Variants in SELENOI observed in about 807,000 individuals in gnomAD.
The protein encoded by SELENOI is selenoprotein I, also known as ethanolaminephosphotransferase 1.
SELENOI carries 24 observed loss-of-function variants against 50.7 expected under a neutral mutation model. The ratio of observed to expected loss-of-function variants is 0.47; its 90% CI spans 0.34 to 0.67. SELENOI has a LOEUF of 0.67. Among genes scored for constraint, SELENOI ranks in the 30% least tolerant of loss-of-function variants. The pLI, the probability that SELENOI is intolerant of heterozygous loss-of-function variation, is 0.01. For missense variants in SELENOI, 352 were observed against 461.4 expected, an observed-to-expected ratio of 0.76 and a Z score of 2.17; for synonymous variants, 155 against 170.2, an observed-to-expected ratio of 0.91 and a Z score of 0.70.
intron 1 of SELENOI, among the ~76,000 whole-genome samples, chr2:26,358,970 C>A (rs13020831): frequency 5.9e-5 from 9 of 151,938 alleles, no homozygotes; most frequent in African/African-American, 2.2e-4. Flanking sequence ...TTGCCCTAGA[C>A]CACATGTTTG....
chr2:26,389,331 C>T lies in SELENOI; in HGVS notation c.*228C>T, dbSNP rs925776493. 2.6e-5 allele frequency: 11 copies of T among 420,276 alleles called. No individual in the cohort carries two copies. The highest frequency in any genetic ancestry group is 2.6e-4 in the South Asian group (6 of 23,418). 26.0% of individuals were successfully genotyped at this position (420,276 alleles called of 1,614,324 possible). The stretch of plus-strand genomic sequence containing the variant: ...TGACATTTTGGTTGAGCAGAATGTA[C>T]GTTAGACCAGCAAAATGTTCCTAAT... On this transcript the variant is annotated 3_prime_UTR_variant, in exon 10 of 10. Coordinates refer to ENST00000260585, the MANE Select transcript of SELENOI (RefSeq NM_033505.4).
At chr2:26,380,418 G>A (rs1165502318) in intron 6 of SELENOI, among the ~76,000 whole-genome samples, 1 of 151,704 alleles carries the variant, frequency 6.6e-6, no homozygotes, top group Admixed American at 6.6e-5. Context: ...CCTCTTAATT[G>A]TATATCCCAG....
In SELENOI at chr2:26,346,267, T is replaced by G. The variant is rs1171575556; in HGVS notation, c.35T>G (p.Leu12Arg). Reference sequence around the variant, plus strand: ...TACGAATACGTGAGCCCGGAGCAGCTGGCTGGCTTTGATAAGTACAAGGTA... The same window carrying G: ...TACGAATACGTGAGCCCGGAGCAGCGGGCTGGCTTTGATAAGTACAAGGTA... ...AGYEYVSPEQ[L>R]AGFDKYKYSA... The change falls in exon 1 of 10, where the codon CTG (leucine) becomes CGG (arginine). Residue 12 changes from leucine (L) to arginine (R), a missense_variant. By Grantham distance (102) the Leu-to-Arg change is moderately radical (BLOSUM62 -2). Transcript: ENST00000260585. 1.4e-5 allele frequency: 23 copies of G among 1,613,460 alleles called. No homozygotes were observed. The highest frequency in any genetic ancestry group is 1.9e-5 in the Non-Finnish European group (22 of 1,179,596).
Position 26,375,139 on chromosome 2 carries a change from A to T in SELENOI, c.673A>T (p.Met225Leu). 1 of 1,597,626 alleles carries T rather than the reference A, an allele frequency of 6.3e-7. No individual in the cohort carries two copies. Among genetic ancestry groups the T allele is most frequent in the Non-Finnish European group, 8.6e-7 (1 of 1,166,916 alleles). ...CTTATATAGAGACCTATTCACTGCAATGATTATTGGTAAGAAGCTCCATGT... is the reference window on the plus strand; with the variant it reads ...CTTATATAGAGACCTATTCACTGCATTGATTATTGGTAAGAAGCTCCATGT... ...NFLYRDLFTA[M>L]IIGCALCVTL... The change falls in exon 6 of 10, where the codon ATG becomes TTG. Residue 225 changes from methionine to leucine, a missense_variant. Physicochemically the swap from Met to Leu is conservative, Grantham distance 15 (BLOSUM62 2). Transcript: ENST00000260585.
In SELENOI at chr2:26,384,971, T is replaced by G. The variant is rs745724056; in HGVS notation, c.744T>G (p.Asn248Lys). Residue 248 changes from asparagine to lysine, a missense_variant, in exon 8 of 10, where the codon AAT becomes AAG. Transcript: ENST00000260585. ...TTTTTTTTTCCAGAAGCTATAAAAA[T>G]AACACCTTGAAACTCAATTCAGTCT... ...SLLNFFRSYK[N>K]NTLKLNSVYE... 8 of 1,601,454 alleles carry G rather than the reference T, an allele frequency of 5.0e-6. No homozygotes were observed. The South Asian group carries it at 7.9e-5, about 16-fold the overall frequency.
chr2:26,371,511 G>T (rs375104613), intron 4 of SELENOI, among the ~76,000 whole-genome samples: 1 of 152,246 alleles, frequency 6.6e-6, no homozygotes, highest in East Asian at 1.9e-4. Context: ...AAGGCAGGCG[G>T]CTGGGAGGTG....
chr2:26,383,346 A>G lies in SELENOI; in HGVS notation c.730A>G (p.Arg244Gly). Residue 244 changes from arginine to glycine, a missense_variant and splice_region_variant, in exon 7 of 10, where the codon AGA becomes GGA. Coordinates refer to ENST00000260585, the MANE Select transcript of SELENOI (RefSeq NM_033505.4). The part of the protein sequence containing the change: ...TLPMSLLNFF[R>G]SYKNNTLKLN... ...TCCAATGAGTTTATTAAACTTTTTCAGGTAAGTATTTTATTTTTTAAATGG... is the reference window on the plus strand; with the variant it reads ...TCCAATGAGTTTATTAAACTTTTTCGGGTAAGTATTTTATTTTTTAAATGG... 2.6e-6 allele frequency: 4 copies of G among 1,532,500 alleles called. No homozygotes were observed. The highest frequency in any genetic ancestry group is 3.5e-6 in the Non-Finnish European group (4 of 1,129,706). The allele number at this position is 1,532,500 out of a possible 1,614,324, so 94.9% of individuals were successfully genotyped here.
intron 3 of SELENOI, 66 bp from the exon 4 acceptor site, chr2:26,367,080 G>A: frequency 3.0e-6 from 4 of 1,342,104 alleles, no homozygotes; most frequent in Non-Finnish European, 4.2e-6. Flanking sequence ...CTCACTGTCA[G>A]TATATGCTAT....
At chr2:26,362,962 G>T (rs1462079912) in intron 1 of SELENOI, among the ~76,000 whole-genome samples, 2 of 151,884 alleles carry the variant, frequency 1.3e-5, no homozygotes, top group African/African-American at 4.8e-5. Context: ...TGTGTGTGTG[G>T]AGTGAATAAG....
chr2:26,380,505 C>T (rs1677666257), intron 6 of SELENOI, among the ~76,000 whole-genome samples: 1 of 152,160 alleles, frequency 6.6e-6, no homozygotes, highest in Non-Finnish European at 1.5e-5. Flanking sequence ...TGTGGATGTA[C>T]CGTAGTGTGT....
chr2:26,346,270 C>A lies in SELENOI; in HGVS notation c.38C>A (p.Ala13Asp). 6.2e-7 allele frequency: 1 copy of A among 1,613,560 alleles called. No homozygotes were observed. The highest frequency in any genetic ancestry group is 8.5e-7 in the Non-Finnish European group (1 of 1,179,568). ...GYEYVSPEQL[A>D]GFDKYKYSAV... is the part of the protein sequence containing the mutation. ...GAATACGTGAGCCCGGAGCAGCTGGCTGGCTTTGATAAGTACAAGGTACCG... is the reference window on the plus strand; with the variant it reads ...GAATACGTGAGCCCGGAGCAGCTGGATGGCTTTGATAAGTACAAGGTACCG... The change falls in exon 1 of 10, where the codon GCT becomes GAT. Residue 13 changes from alanine to aspartate, a missense_variant. Transcript: ENST00000260585.
At chr2:26,386,242 G>A in intron 8 of SELENOI, 112 bp from the exon 9 acceptor site, 2 of 1,061,288 alleles carry the variant, frequency 1.9e-6, no homozygotes, top group East Asian at 2.4e-5. Context: ...ATGTAAGTGT[G>A]TTGGTTCAGG....
At chr2:26,374,945 T>C in intron 5 of SELENOI, 95 bp from the exon 6 acceptor site, 2 of 797,030 alleles carry the variant, frequency 2.5e-6, no homozygotes, top group South Asian at 3.3e-5. Flanking sequence ...TTACTAAAAC[T>C]GTTTGACTTG....
intron 6 of SELENOI, among the ~76,000 whole-genome samples, chr2:26,375,428 T>C (rs1677546688): frequency 6.6e-6 from 1 of 152,224 alleles, no homozygotes; most frequent in South Asian, 2.1e-4. Flanking sequence ...ACCTAGGCTG[T>C]ATTGGAGGGT....
At chr2:26,353,692 A>G (rs1259887007) in intron 1 of SELENOI, among the ~76,000 whole-genome samples, 1 of 152,226 alleles carries the variant, frequency 6.6e-6, no homozygotes, top group Non-Finnish European at 1.5e-5. Context: ...AGAGACAAGA[A>G]GGATGGGTGG....
At chr2:26,381,988 G>A (rs577169339) in intron 6 of SELENOI, among the ~76,000 whole-genome samples, 5 of 152,296 alleles carry the variant, frequency 3.3e-5, no homozygotes, top group South Asian at 2.1e-4. Flanking sequence ...CAAATGAAGT[G>A]CCCAGCAGCT....
At chr2:26,374,934 T>C in intron 5 of SELENOI, 106 bp from the exon 6 acceptor site, 1 of 730,192 alleles carries the variant, frequency 1.4e-6, no homozygotes, top group Non-Finnish European at 2.3e-6. Flanking sequence ...ACTTCTTGCC[T>C]TTACTAAAAC....
At position 26,367,237 on chromosome 2, in the gene SELENOI, T is replaced by A; in HGVS notation, c.310+17T>A. ...ACACTCTAGGTAAGGAATTGGTAAA[T>A]ACTTACTATAGTCAGTGACTGGTGA... On this transcript the variant is annotated intron_variant, in intron 4 of 9. Transcript: ENST00000260585. 1 of 1,589,248 alleles carries A rather than the reference T, an allele frequency of 6.3e-7. No homozygotes were observed. The highest frequency in any genetic ancestry group is 1.7e-5 in the Admixed American group (1 of 57,250).
rs368057999 is a variant in SELENOI, at chr2:26,358,216, A to C, written c.58-6086A>C. ...TCAGGAGTTCAAGACAAGCCTGGCC[A>C]ACATGGTGAAACCCCATCTCTACTA... On this transcript the variant is annotated intron_variant, in intron 1 of 9. Coordinates refer to ENST00000260585, the MANE Select transcript of SELENOI (RefSeq NM_033505.4). 7.2e-5 allele frequency among the ~76,000 whole-genome samples: 11 copies of C among 152,316 alleles called. No individual in the cohort carries two copies. In the South Asian group the frequency reaches 2.3e-3, roughly 32 times the overall value.
Sources: gnomAD v4.1 joint callset for allele counts (sites outside exome capture counted in the v4.1 genomes callset) on GRCh38, gnomAD v4.1.1 for gene constraint, MANE v1.5 for transcripts, NCBI Gene and HGNC (gene_info 2026-07-23, HGNC 2026-07-21) for gene names.